RGS5: variants seen among roughly 807,000 people sequenced by gnomAD.
RGS5 encodes regulator of G-protein signalling 5.
Under a neutral mutation model 18.9 loss-of-function variants are expected in RGS5, and 20 were observed. The ratio of observed to expected loss-of-function variants is 1.06; its 90% CI spans 0.74 to 1.54. RGS5 has a LOEUF of 1.54. RGS5 is among the 40% of genes most tolerant of loss of function. RGS5 has a pLI of 0.00. For synonymous variants in RGS5, 57 were observed against 76.2 expected, an observed-to-expected ratio of 0.75 and a Z score of 1.31; for missense variants, 201 against 211.8, an observed-to-expected ratio of 0.95 and a Z score of 0.32.
intron 1 of RGS5, among the ~76,000 whole-genome samples, chr1:163,199,869 C>T (rs985208928): frequency 1.3e-5 from 2 of 152,108 alleles, no homozygotes; most frequent in South Asian, 4.1e-4. Flanking sequence ...TACAGTGGTG[C>T]AATATGACTC....
intron 2 of RGS5, among the ~76,000 whole-genome samples, chr1:163,262,823 T>C (rs978091589): frequency 7.2e-5 from 11 of 151,936 alleles, no homozygotes; most frequent in Non-Finnish European, 1.5e-4. Flanking sequence ...GCACCTGTTG[T>C]TTCCTGACTT....
intron 1 of RGS5, among the ~76,000 whole-genome samples, chr1:163,179,874 C>T (rs146201479): frequency 6.6e-6 from 1 of 152,144 alleles, no homozygotes; most frequent in East Asian, 1.9e-4. Context: ...TTTACTCAAC[C>T]CTTCTTCCCA....
chr1:163,179,209 G>A (rs79313621), intron 1 of RGS5, among the ~76,000 whole-genome samples: 4,505 of 152,196 alleles, frequency 0.03, 84 homozygotes, highest in South Asian at 0.055. Flanking sequence ...AGTGGTAAAG[G>A]GCCTGGATAT....
chr1:163,221,760 G>A (rs760758214), upstream of RGS5, among the ~76,000 whole-genome samples: 5 of 152,186 alleles, frequency 3.3e-5, no homozygotes, highest in Non-Finnish European at 7.3e-5. Flanking sequence ...AGTTGGAGTT[G>A]CTTCCTGATG....
intron 1 of RGS5, among the ~76,000 whole-genome samples, chr1:163,314,659 T>C (rs957417233): frequency 6.6e-6 from 1 of 152,204 alleles, no homozygotes; most frequent in African/African-American, 2.4e-5. Context: ...GCATGAATAT[T>C]TGTGTCTCCC....
chr1:163,246,012 G>A (rs993417061), intron 2 of RGS5, among the ~76,000 whole-genome samples: 10 of 151,806 alleles, frequency 6.6e-5, no homozygotes, highest in African/African-American at 2.4e-4. Flanking sequence ...TCAGGAGATC[G>A]AGACCATCCT....
chr1:163,288,960 T>C (rs949016753), intron 2 of RGS5, among the ~76,000 whole-genome samples: 3 of 152,202 alleles, frequency 2.0e-5, no homozygotes, highest in Non-Finnish European at 4.4e-5. Context: ...TCTTGGTATA[T>C]GTTGGTATAT....
At chr1:163,169,019 T>G (rs1473413239) in intron 1 of RGS5, among the ~76,000 whole-genome samples, 3 of 98,722 alleles carry the variant, frequency 3.0e-5, no homozygotes, top group Non-Finnish European at 4.1e-5. Flanking sequence ...CCCCTCCCCC[T>G]ACCCCACAAC....
chr1:163,276,693 G>A lies in RGS5; in HGVS notation c.-281+29540C>T, dbSNP rs1648866737. ...GCTGTCTTCTGACTCTAAGTCTCTT[G>A]GCCGTAAGCATCCCAACAAGGGACA... On this transcript the variant is annotated intron_variant, in intron 2 of 5. Transcript: ENST00000618415. 3.3e-5 allele frequency among the ~76,000 whole-genome samples: 5 copies of A among 152,232 alleles called. No homozygotes were observed. In the South Asian group the frequency reaches 1.0e-3, roughly 32 times the overall value.
chr1:163,271,673 CAT>C (rs1648723319), intron 2 of RGS5, among the ~76,000 whole-genome samples: 1 of 152,180 alleles, frequency 6.6e-6, no homozygotes, highest in Non-Finnish European at 1.5e-5. Context: ...GGACACACCA[CAT>C]GTTAATCACT....
intron 1 of RGS5, among the ~76,000 whole-genome samples, chr1:163,186,932 C>T (rs1659115699): frequency 6.7e-6 from 1 of 149,688 alleles, no homozygotes; most frequent in Non-Finnish European, 1.5e-5. Flanking sequence ...TATTACATGC[C>T]TCTGTGTGAT....
At chr1:163,195,607 T>C (rs1463395665) in intron 1 of RGS5, among the ~76,000 whole-genome samples, 1 of 151,720 alleles carries the variant, frequency 6.6e-6, no homozygotes, top group Non-Finnish European at 1.5e-5. Flanking sequence ...AAAATATATA[T>C]ATATTGAAAA....
upstream of RGS5, among the ~76,000 whole-genome samples, chr1:163,207,131 A>G (rs993753482): frequency 6.6e-6 from 1 of 152,230 alleles, no homozygotes; most frequent in African/African-American, 2.4e-5. Flanking sequence ...CCCTCTGATC[A>G]TATAAATGGA....
intron 4 of RGS5, among the ~76,000 whole-genome samples, chr1:163,151,762 A>T (rs769849580): frequency 6.6e-6 from 1 of 152,200 alleles, no homozygotes; most frequent in Non-Finnish European, 1.5e-5. Context: ...TTCCTTTATA[A>T]ATTACCAAGT....
intron 3 of RGS5, among the ~76,000 whole-genome samples, chr1:163,153,005 C>T (rs1657437770): frequency 6.6e-6 from 1 of 152,124 alleles, no homozygotes; most frequent in Admixed American, 6.6e-5. Context: ...CAATCAAATG[C>T]AATGTCTATT....
chr1:163,247,406 G>A (rs572431266), intron 2 of RGS5, among the ~76,000 whole-genome samples: 2 of 151,936 alleles, frequency 1.3e-5, no homozygotes, highest in Admixed American at 1.3e-4. Flanking sequence ...CTGTGACAGG[G>A]GTAACCTGCT....
At chr1:163,164,938 C>A (rs1387404933) in intron 2 of RGS5, among the ~76,000 whole-genome samples, 1 of 152,150 alleles carries the variant, frequency 6.6e-6, no homozygotes, top group Non-Finnish European at 1.5e-5. Context: ...AAAGAAAATT[C>A]AAGTTATTTA....
In RGS5 at chr1:163,153,357, G is replaced by C. The variant is rs1657453158; in HGVS notation, c.218-641C>G. ...ACATTTACACGATGAAAGGAAAACT[G>C]TATGAAAGGTAGTAACAGAGTCATA... On this transcript the variant is annotated intron_variant, in intron 3 of 4. Coordinates refer to ENST00000313961, the MANE Select transcript of RGS5 (RefSeq NM_003617.4). Among the ~76,000 whole-genome samples, 3 of 152,114 alleles carry C rather than the reference G, an allele frequency of 2.0e-5. No homozygotes were observed. The South Asian group carries it at 6.2e-4, about 32-fold the overall frequency.
chr1:163,189,795 G>GTCTAC (rs1237448579), intron 1 of RGS5, among the ~76,000 whole-genome samples: 1 of 152,184 alleles, frequency 6.6e-6, no homozygotes, highest in Non-Finnish European at 1.5e-5. Context: ...TGGGTAAATG[G>GTCTAC]TCAGAGAGTA....
Sources: gnomAD v4.1 joint callset for allele counts (sites outside exome capture counted in the v4.1 genomes callset) on GRCh38, gnomAD v4.1.1 for gene constraint, MANE v1.5 for transcripts, NCBI Gene and HGNC (gene_info 2026-07-23, HGNC 2026-07-21) for gene names.